HECW2: variants seen among roughly 807,000 people sequenced by gnomAD.
The protein encoded by HECW2 is E3 ubiquitin-protein ligase HECW2.
Under a neutral mutation model 175.2 loss-of-function variants are expected in HECW2, and 61 were observed. That is an observed-to-expected ratio of 0.35 (90% CI 0.28 to 0.43). The LOEUF (loss-of-function observed/expected upper bound fraction) is 0.43. Ranked by LOEUF, HECW2 falls within the 20% of genes least tolerant of loss-of-function variation. HECW2 has a pLI of 1.00. For synonymous variants in HECW2, 671 were observed against 731.0 expected, an observed-to-expected ratio of 0.92 and a Z score of 1.32; for missense variants, 1,524 against 2,000.5, an observed-to-expected ratio of 0.76 and a Z score of 4.54.
intron 1 of HECW2, among the ~76,000 whole-genome samples, chr2:196,475,346 A>C: frequency 7.9e-6 from 1 of 127,044 alleles, no homozygotes. Context: ...AGAGGGAGGG[A>C]GGGGATGCGC....
chr2:196,298,788 T>C (rs995595853), intron 13 of HECW2, among the ~76,000 whole-genome samples: 7 of 152,200 alleles, frequency 4.6e-5, no homozygotes, highest in Non-Finnish European at 1.0e-4. Flanking sequence ...AAAAAATAGT[T>C]AGGAAAATTA....
At chr2:196,208,457 G>T (rs1224620578) in intron 28 of HECW2, among the ~76,000 whole-genome samples, 1 of 152,232 alleles carries the variant, frequency 6.6e-6, no homozygotes, top group Non-Finnish European at 1.5e-5. Flanking sequence ...TTCAGATAAG[G>T]TACTTGTTCT....
intron 22 of HECW2, among the ~76,000 whole-genome samples, chr2:196,226,079 T>C (rs1687839054): frequency 6.6e-6 from 1 of 152,194 alleles, no homozygotes; most frequent in Non-Finnish European, 1.5e-5. Flanking sequence ...CCAAATGTCA[T>C]GTTGAATTGC....
At chr2:196,489,937 G>A (rs559768051) in intron 1 of HECW2, among the ~76,000 whole-genome samples, 1 of 152,318 alleles carries the variant, frequency 6.6e-6, no homozygotes, top group East Asian at 1.9e-4. Context: ...TACAAAGTAA[G>A]AGGCAGAAAC....
At chr2:196,307,067 A>G in intron 12 of HECW2, 63 bp downstream of exon 12, 4 of 1,140,234 alleles carry the variant, frequency 3.5e-6, no homozygotes, top group African/African-American at 3.1e-5. Flanking sequence ...ACTTGTTGGG[A>G]ATCCTTATTT....
At chr2:196,359,340 C>T (rs1004811160) in intron 2 of HECW2, among the ~76,000 whole-genome samples, 8 of 152,114 alleles carry the variant, frequency 5.3e-5, no homozygotes, top group Non-Finnish European at 1.2e-4. Context: ...CCCAGCTACT[C>T]AGGAGGCTGA....
intron 28 of HECW2, among the ~76,000 whole-genome samples, chr2:196,208,103 CACACCTAAAGACTATAA>C (rs1373644640): frequency 6.6e-6 from 1 of 152,228 alleles, no homozygotes; most frequent in African/African-American, 2.4e-5. Context: ...ACATTTCTCA[CACACCTAAAGACTATAA>C]AGTATCCGGC....
At chr2:196,465,972 A>C (rs1696935151) in intron 1 of HECW2, among the ~76,000 whole-genome samples, 1 of 152,192 alleles carries the variant, frequency 6.6e-6, no homozygotes, top group South Asian at 2.1e-4. Flanking sequence ...CCAAATATGT[A>C]GCTACAAAGT....
Position 196,317,494 on chromosome 2 carries a change from A to C in HECW2, c.2339-125T>G, listed in dbSNP as rs1691742890. On this transcript the variant is annotated intron_variant, in intron 9 of 28. Transcript: ENST00000644978. ...TTTTCTCTGTTTAGTCTCATTTCCC[A>C]TATGAGGACCTAGAAACAAAAGAAG... 1.7e-5 allele frequency: 12 copies of C among 699,302 alleles called. No homozygotes were observed. The South Asian group carries it at 1.9e-4, about 11-fold the overall frequency. The allele number at this position is 699,302 out of a possible 1,614,324, so 43.3% of individuals were successfully genotyped here.
At chr2:196,483,879 G>T (rs1019279349) in intron 1 of HECW2, among the ~76,000 whole-genome samples, 4 of 152,148 alleles carry the variant, frequency 2.6e-5, no homozygotes, top group Non-Finnish European at 5.9e-5. Flanking sequence ...AAAGGTTTTT[G>T]AATCTTTTGA....
Position 196,368,391 on chromosome 2 carries a change from T to C in HECW2, c.293-24627A>G, listed in dbSNP as rs572188657. 1.5e-4 allele frequency among the ~76,000 whole-genome samples: 23 copies of C among 152,372 alleles called. No individual in the cohort carries two copies. The South Asian group carries it at 4.8e-3, about 32-fold the overall frequency. On this transcript the variant is annotated intron_variant, in intron 2 of 28. Transcript: ENST00000644978. ...TTGTACGTTGTTTCTTTTCTCCTAC[T>C]GCTTTTAGCATCCTTTCTTTATCCT...
intron 5 of HECW2, among the ~76,000 whole-genome samples, chr2:196,326,438 A>G (rs1217629785): frequency 1.4e-5 from 2 of 143,668 alleles, no homozygotes; most frequent in Non-Finnish European, 3.0e-5. Flanking sequence ...TAAAAATTAA[A>G]CTAAGAGCAA....
intron 1 of HECW2, among the ~76,000 whole-genome samples, chr2:196,511,124 C>T (rs950371167): frequency 2.0e-5 from 3 of 152,124 alleles, no homozygotes; most frequent in Non-Finnish European, 4.4e-5. Flanking sequence ...CACCAGCACA[C>T]CCAGCTAATT....
At chr2:196,363,760 G>A (rs1037383204) in intron 2 of HECW2, among the ~76,000 whole-genome samples, 5 of 152,174 alleles carry the variant, frequency 3.3e-5, no homozygotes, top group African/African-American at 9.7e-5. Context: ...GGAGTTTGAG[G>A]CTACAGTGAG....
chr2:196,433,208 T>G lies in HECW2; in HGVS notation c.216A>C (p.Gln72His). 1.2e-6 allele frequency: 2 copies of G among 1,614,200 alleles called. No homozygotes were observed. The highest frequency in any genetic ancestry group is 8.5e-7 in the Non-Finnish European group (1 of 1,180,022). The change falls in exon 2 of 29, where the codon CAA becomes CAC. Residue 72 changes from glutamine (Q) to histidine (H), a missense_variant. Physicochemically the swap from Gln to His is conservative, Grantham distance 24. This residue lies in a region of HECW2 where 135 missense variants were observed against 214.6 expected (regional missense o/e 0.63). Transcript: ENST00000644978. ...TASMYEYTLG[Q>H]AQNLIIFWDI... The stretch of plus-strand genomic sequence containing the variant: ...CCCAGAAGATAATGAGGTTCTGGGC[T>G]TGCCCCAGCGTGTACTCGTACATGC...
chr2:196,231,763 C>T (rs1007671609), intron 21 of HECW2, among the ~76,000 whole-genome samples: 5 of 38,166 alleles, frequency 1.3e-4, no homozygotes, highest in African/African-American at 2.3e-4. Flanking sequence ...CTGAGGCAGA[C>T]GGATCACAAG....
intron 22 of HECW2, 139 bp downstream of exon 22, chr2:196,227,963 A>G (rs1687914902): frequency 1.5e-6 from 1 of 683,834 alleles, no homozygotes; most frequent in Non-Finnish European, 2.3e-6. Context: ...AATAAAAACA[A>G]GAGTCAAATG....
At chr2:196,243,278 C>T (rs1336416095) in intron 19 of HECW2, among the ~76,000 whole-genome samples, 1 of 150,530 alleles carries the variant, frequency 6.6e-6, no homozygotes, top group African/African-American at 2.4e-5. Flanking sequence ...AGTGATTGTC[C>T]TGCCTCAGCC....
chr2:196,546,820 CAAA>C (rs35116760), intron 1 of HECW2, among the ~76,000 whole-genome samples: 15 of 106,416 alleles, frequency 1.4e-4, no homozygotes, highest in Admixed American at 1.9e-4. Context: ...AGAAGGACAG[CAAA>C]AAAAAAAAAA....
Sources: allele counts gnomAD v4.1 joint callset (sites outside exome capture counted in the v4.1 genomes callset), GRCh38; gene constraint gnomAD v4.1.1; regional missense constraint gnomAD v4.1.1; transcripts MANE v1.5; gene names NCBI Gene and HGNC (gene_info 2026-07-23, HGNC 2026-07-21).